The following LINGO2 variants were observed in gnomAD, a reference collection of about 807,000 sequenced individuals.
LINGO2 encodes leucine-rich repeat and immunoglobulin-like domain-containing nogo receptor-interacting protein 2.
A neutral mutation model predicts 30.6 loss-of-function variants in LINGO2; 14 were observed. The observed-to-expected ratio is 0.46, with a 90% CI of 0.30 to 0.72. The LOEUF is 0.72. Among genes scored for constraint, LINGO2 ranks in the 30% least tolerant of loss-of-function variants. The pLI is 0.07. For missense variants in LINGO2, 729 were observed against 751.7 expected (o/e 0.97, Z 0.35); for synonymous variants, 317 against 288.5 (o/e 1.10, Z -1.00).
chr9:28,876,510 T>A, the LINGO2 span, among the ~76,000 whole-genome samples: 6 of 152,194 alleles, frequency 3.9e-5, no homozygotes, highest in South Asian at 1.2e-3. Context: ...GTTTGGTTTT[T>A]TGTCCTTGCT....
intron 3 of LINGO2, among the ~76,000 whole-genome samples, chr9:28,338,371 T>G (rs1005162918): frequency 1.3e-5 from 2 of 152,150 alleles, no homozygotes; most frequent in Non-Finnish European, 2.9e-5. Context: ...TTTTACAGGC[T>G]TATAGGTGGA....
At chr9:28,542,413 C>G (rs1228742058) in intron 1 of LINGO2, among the ~76,000 whole-genome samples, 1 of 151,966 alleles carries the variant, frequency 6.6e-6, no homozygotes, top group African/African-American at 2.4e-5. Flanking sequence ...CTCTGAGAGG[C>G]TCTTGTGCCA....
chr9:28,669,425 T>G (rs1828930511), intron 1 of LINGO2, among the ~76,000 whole-genome samples: 1 of 152,130 alleles, frequency 6.6e-6, no homozygotes, highest in South Asian at 2.1e-4. Context: ...TTCTTAACAG[T>G]TATGAGCTAA....
At chr9:28,487,982 G>C (rs1314928760) in intron 1 of LINGO2, among the ~76,000 whole-genome samples, 1 of 152,104 alleles carries the variant, frequency 6.6e-6, no homozygotes, top group Non-Finnish European at 1.5e-5. Flanking sequence ...CTATTTAAAA[G>C]TATACACACA....
intron 4 of LINGO2, among the ~76,000 whole-genome samples, chr9:28,102,679 A>T (rs1826452671): frequency 6.6e-6 from 1 of 152,136 alleles, no homozygotes; most frequent in Non-Finnish European, 1.5e-5. Flanking sequence ...ATCAGTGATA[A>T]ATTGGGCATC....
intron 3 of LINGO2, among the ~76,000 whole-genome samples, chr9:28,305,350 T>C (rs1014697506): frequency 5.9e-5 from 9 of 151,978 alleles, no homozygotes; most frequent in Admixed American, 2.0e-4. Context: ...CTGTTCAACA[T>C]TGTAGTGGAG....
intron 4 of LINGO2, among the ~76,000 whole-genome samples, chr9:28,270,483 A>C (rs998802605): frequency 6.6e-6 from 1 of 151,910 alleles, no homozygotes; most frequent in East Asian, 1.9e-4. Flanking sequence ...CATATCCCCA[A>C]TGCGACCACC....
chr9:28,069,230 G>T (rs1825402128), intron 4 of LINGO2, among the ~76,000 whole-genome samples: 2 of 152,100 alleles, frequency 1.3e-5, no homozygotes, highest in Non-Finnish European at 2.9e-5. Context: ...GGGTTCGATA[G>T]GCTGTCAGTT....
chr9:28,171,260 T>G (rs192391664), intron 4 of LINGO2, among the ~76,000 whole-genome samples: 51 of 152,212 alleles, frequency 3.4e-4, no homozygotes, highest in African/African-American at 1.1e-3. Context: ...AAAAACCCAG[T>G]CTGCAGGGAA....
At chr9:29,069,788 T>C in the LINGO2 span, among the ~76,000 whole-genome samples, 1 of 152,218 alleles carries the variant, frequency 6.6e-6, no homozygotes, top group African/African-American at 2.4e-5. Flanking sequence ...GAGTTTGTAA[T>C]AGATTCTCTC....
chr9:29,033,545 G>A, the LINGO2 span, among the ~76,000 whole-genome samples: 4 of 151,732 alleles, frequency 2.6e-5, no homozygotes, highest in East Asian at 5.8e-4. Context: ...AAGATTGAGT[G>A]AAAATATATG....
At chr9:28,446,147 C>T (rs1358240240) in intron 2 of LINGO2, among the ~76,000 whole-genome samples, 1 of 152,100 alleles carries the variant, frequency 6.6e-6, no homozygotes, top group Non-Finnish European at 1.5e-5. Context: ...TTGAATACCT[C>T]ATTATGATTA....
intron 1 of LINGO2, among the ~76,000 whole-genome samples, chr9:28,476,527 G>C (rs185311403): frequency 1.4e-4 from 21 of 151,926 alleles, no homozygotes; most frequent in Non-Finnish European, 2.5e-4. Flanking sequence ...CTCCCGCCGC[G>C]GCCTCCCAAA....
chr9:27,973,980 TACTCAAGAGTACAAATGG>T (rs1011326290), intron 5 of LINGO2, among the ~76,000 whole-genome samples: 4 of 152,178 alleles, frequency 2.6e-5, no homozygotes, highest in Non-Finnish European at 4.4e-5. Flanking sequence ...TTTTCTCTTC[TACTCAAGAGTACAAATGG>T]ACTCAAGAGT....
the LINGO2 span, among the ~76,000 whole-genome samples, chr9:28,821,450 G>A: frequency 1.3e-5 from 2 of 152,258 alleles, no homozygotes; most frequent in South Asian, 2.1e-4. Flanking sequence ...TAATAGAGAA[G>A]GCCCTTAGGA....
At chr9:28,734,292 A>C in the LINGO2 span, among the ~76,000 whole-genome samples, 1 of 152,228 alleles carries the variant, frequency 6.6e-6, no homozygotes, top group African/African-American at 2.4e-5. Flanking sequence ...TATGCTGGAC[A>C]AAGAGAGGAC....
chr9:28,410,137 A>G (rs1332444844), intron 2 of LINGO2, among the ~76,000 whole-genome samples: 1 of 151,218 alleles, frequency 6.6e-6, no homozygotes, highest in Non-Finnish European at 1.5e-5. Flanking sequence ...AGGGAAAGAG[A>G]AAGGAAGAAA....
In LINGO2 at chr9:27,950,462, T is replaced by A. The variant is rs373876749; in HGVS notation, c.210A>T (p.Lys70Asn). ...ATATGAATTCTTCAGGGTTGACGCTTTTTAGCCTGTTTTTACTGAGGTCCA... is the reference window on the plus strand; with the variant it reads ...ATATGAATTCTTCAGGGTTGACGCTATTTAGCCTGTTTTTACTGAGGTCCA... Residue 70 changes from lysine to asparagine, a missense_variant, in exon 6 of 6, where the codon AAA (lysine) becomes AAT (asparagine). By Grantham distance (94) the Lys-to-Asn change is moderately conservative (BLOSUM62 0). Coordinates refer to ENST00000379992, the Ensembl canonical transcript of LINGO2. 1.2e-5 allele frequency: 19 copies of A among 1,607,830 alleles called. No individual in the cohort carries two copies. The highest frequency in any genetic ancestry group is 1.6e-5 in the Non-Finnish European group (19 of 1,175,676).
chr9:28,297,924 G>A (rs1312205130), intron 3 of LINGO2, among the ~76,000 whole-genome samples: 4 of 152,096 alleles, frequency 2.6e-5, no homozygotes, highest in Admixed American at 2.6e-4. Context: ...CGGGGGTAGG[G>A]GAAGATGCTA....
Sources: gnomAD v4.1 joint callset for allele counts (sites outside exome capture counted in the v4.1 genomes callset) on GRCh38, gnomAD v4.1.1 for gene constraint, MANE v1.5 for transcripts, NCBI Gene and HGNC (gene_info 2026-07-23, HGNC 2026-07-21) for gene names.